OPRM1: variants seen among roughly 807,000 people sequenced by gnomAD.
OPRM1 encodes the protein opioid receptor mu 1, also known as mu-type opioid receptor.
OPRM1 carries 27 observed loss-of-function variants against 31.8 expected under a neutral mutation model. The observed-to-expected ratio is 0.85, with a 90% CI of 0.63 to 1.17. The LOEUF is 1.17. OPRM1 is among the 50% of genes most tolerant of loss of function. The probability of loss-of-function intolerance (pLI) is 0.00; values close to 1 mark genes in which losing one functional copy is unlikely to be tolerated. For synonymous variants in OPRM1, 196 were observed against 189.9 expected (o/e 1.03, Z -0.26); for missense variants, 536 against 511.1 (o/e 1.05, Z -0.47).
At chr6:154,032,108 A>AT (rs1779042547) in intron 1 of OPRM1, among the ~76,000 whole-genome samples, 1 of 152,246 alleles carries the variant, frequency 6.6e-6, no homozygotes, top group Admixed American at 6.5e-5. Context: ...TGTATGAGCC[A>AT]TGAAAGTCTG....
chr6:154,069,019 T>C (rs544888580), intron 1 of OPRM1, among the ~76,000 whole-genome samples: 1 of 152,232 alleles, frequency 6.6e-6, no homozygotes, highest in Non-Finnish European at 1.5e-5. Context: ...GACATGTCCA[T>C]GCAGGTCTTT....
intron 3 of OPRM1, among the ~76,000 whole-genome samples, chr6:154,203,556 A>G (rs1777244511): frequency 6.6e-6 from 1 of 152,192 alleles, no homozygotes; most frequent in African/African-American, 2.4e-5. Flanking sequence ...TCAAGGATAC[A>G]GGGAGCCGAC....
Position 154,091,056 on chromosome 6 carries a change from A to C in OPRM1, c.748A>C (p.Ile250Leu). Residue 250 changes from isoleucine to leucine, a missense_variant, in exon 3 of 4, where the codon ATT becomes CTT. Physicochemically the swap from Ile to Leu is conservative, Grantham distance 5 (BLOSUM62 2). Coordinates refer to ENST00000330432, the MANE Select transcript of OPRM1 (RefSeq NM_000914.5). ...IFAFIMPVLIITVCYGLMILR... is the reference protein window; with the variant it reads ...IFAFIMPVLILTVCYGLMILR... ...CGCCTTCATTATGCCAGTGCTCATC[A>C]TTACCGTGTGCTATGGACTGATGAT... 1 of 1,614,096 alleles carries C rather than the reference A, an allele frequency of 6.2e-7. No homozygotes were observed. The highest frequency in any genetic ancestry group is 8.5e-7 in the Non-Finnish European group (1 of 1,180,024).
intron 3 of OPRM1, chr6:154,158,959 C>T (rs887247040): frequency 1.3e-5 from 2 of 152,036 alleles, no homozygotes; most frequent in African/African-American, 2.4e-5. Context: ...ATGCCAAAGT[C>T]GTCTTGTCAA....
upstream of OPRM1, chr6:154,039,097 T>C (rs1779506720): frequency 6.8e-7 from 1 of 1,481,258 alleles, no homozygotes; most frequent in Admixed American, 2.5e-5. Context: ...TTCTTATTTT[T>C]CACTGCTACC....
intron 3 of OPRM1, among the ~76,000 whole-genome samples, chr6:154,232,676 C>G (rs1304975078): frequency 6.6e-6 from 1 of 152,090 alleles, no homozygotes; most frequent in Admixed American, 6.5e-5. Flanking sequence ...AAAAAAACAA[C>G]CCTGGATTTG....
In OPRM1 at chr6:154,121,369, A is replaced by G. The variant is rs1312938521; in HGVS notation, c.*2648A>G. Among the ~76,000 whole-genome samples, 1 of 152,232 alleles carries G rather than the reference A, an allele frequency of 6.6e-6. No homozygotes were observed. The highest frequency in any genetic ancestry group is 1.5e-5 in the Non-Finnish European group (1 of 68,038). On this transcript the variant is annotated 3_prime_UTR_variant, in exon 4 of 4. Transcript: ENST00000330432. Reference sequence around the variant, plus strand: ...ATCATTAGAAAGGAAAGAAGAGGAAAGAGACTCGCTGGAGCACTGGTGAGT... The same window carrying G: ...ATCATTAGAAAGGAAAGAAGAGGAAGGAGACTCGCTGGAGCACTGGTGAGT...
intron 3 of OPRM1, among the ~76,000 whole-genome samples, chr6:154,224,362 T>C (rs943805984): frequency 1.3e-5 from 2 of 152,198 alleles, no homozygotes; most frequent in Non-Finnish European, 2.9e-5. Context: ...CTCTCTCTTA[T>C]GTGACTCAAC....
intron 3 of OPRM1, among the ~76,000 whole-genome samples, chr6:154,239,860 G>A (rs1275598988): frequency 6.6e-6 from 1 of 152,032 alleles, no homozygotes; most frequent in Admixed American, 6.6e-5. Context: ...TATCCACCAC[G>A]CTTGGCTAAT....
At chr6:154,239,747 A>G (rs1426329612) in intron 3 of OPRM1, among the ~76,000 whole-genome samples, 1 of 152,234 alleles carries the variant, frequency 6.6e-6, no homozygotes, top group Non-Finnish European at 1.5e-5. Flanking sequence ...TCTGTCACCC[A>G]GGCTGGAGTG....
At chr6:154,214,545 T>C (rs1211863598) in intron 3 of OPRM1, among the ~76,000 whole-genome samples, 1 of 152,228 alleles carries the variant, frequency 6.6e-6, no homozygotes, top group African/African-American at 2.4e-5. Context: ...TCCAAATATA[T>C]GAACAAACAC....
Position 154,122,303 on chromosome 6 carries a change from A to G in OPRM1, c.*3582A>G, listed in dbSNP as rs539981787. Among the ~76,000 whole-genome samples the G allele has an allele frequency of 2.6e-5, 4 of 152,320 alleles. No homozygotes were observed. In the East Asian group the frequency reaches 7.7e-4, roughly 29 times the overall value. ...CCCTACTGCCCTTGTAGAAACATCA[A>G]GATTCTTGCCTGGATTCTCAACATA... On this transcript the variant is annotated 3_prime_UTR_variant, in exon 4 of 4. Transcript: ENST00000330432.
At chr6:154,189,293 T>TA (rs1284070727) in intron 3 of OPRM1, among the ~76,000 whole-genome samples, 1 of 152,222 alleles carries the variant, frequency 6.6e-6, no homozygotes, top group Non-Finnish European at 1.5e-5. Flanking sequence ...TGAAGAGATG[T>TA]ATTTTGGTGG....
At chr6:154,161,258 TG>T (rs796890966) in intron 3 of OPRM1, among the ~76,000 whole-genome samples, 1 of 151,446 alleles carries the variant, frequency 6.6e-6, no homozygotes, top group South Asian at 2.1e-4. Flanking sequence ...TTGCCCAGGC[TG>T]GAGTGCAGTG....
At chr6:154,228,477 C>A (rs528226504) in intron 3 of OPRM1, among the ~76,000 whole-genome samples, 31 of 152,306 alleles carry the variant, frequency 2.0e-4, no homozygotes, top group Non-Finnish European at 3.2e-4. Flanking sequence ...AAACACGTTC[C>A]TTTTCACTTT....
At chr6:154,029,204 T>C (rs894133605) in intron 1 of OPRM1, among the ~76,000 whole-genome samples, 4 of 152,202 alleles carry the variant, frequency 2.6e-5, no homozygotes, top group Non-Finnish European at 5.9e-5. Flanking sequence ...TTTAAAATCT[T>C]TGGATATACG....
rs201750403 is a variant in OPRM1 at position 154,091,079 on chromosome 6, G to A, written c.771G>A (p.Met257Ile). The change falls in exon 3 of 4, where the codon ATG (methionine) becomes ATA (isoleucine). Residue 257 changes from methionine to isoleucine, a missense_variant. Physicochemically the swap from Met to Ile is conservative, Grantham distance 10. Transcript: ENST00000330432. ...TCATTACCGTGTGCTATGGACTGAT[G>A]ATCTTGCGCCTCAAGAGTGTCCGCA... is the stretch of plus-strand genomic sequence containing the variant. Reference protein sequence around the residue: ...VLIITVCYGLMILRLKSVRML... With the variant: ...VLIITVCYGLIILRLKSVRML... 1.2e-6 allele frequency: 2 copies of A among 1,614,158 alleles called. No homozygotes were observed. Among genetic ancestry groups the A allele is most frequent in the Admixed American group, 3.3e-5 (2 of 60,016 alleles).
At chr6:154,018,471 GTTCT>G (rs1183310354) in intron 1 of OPRM1, among the ~76,000 whole-genome samples, 1 of 149,322 alleles carries the variant, frequency 6.7e-6, no homozygotes, top group Non-Finnish European at 1.5e-5. Flanking sequence ...TGGGTTCCAA[GTTCT>G]TTCTCATTTT....
At position 154,121,541 on chromosome 6, in the gene OPRM1, G is replaced by A. The variant is rs642489; in HGVS notation, c.*2820G>A. 6.6e-6 allele frequency among the ~76,000 whole-genome samples: 1 copy of A among 152,072 alleles called. No homozygotes were observed. The highest frequency in any genetic ancestry group is 1.5e-5 in the Non-Finnish European group (1 of 67,990). On this transcript the variant is annotated 3_prime_UTR_variant, in exon 4 of 4. Coordinates refer to ENST00000330432, the MANE Select transcript of OPRM1 (RefSeq NM_000914.5). ...GACACGGCTATGAGTAGGTAAGAGA[G>A]CATTCATTCCCTTCAATAATATGAC...
Sources: allele counts gnomAD v4.1 joint callset (sites outside exome capture counted in the v4.1 genomes callset), GRCh38; gene constraint gnomAD v4.1.1; transcripts MANE v1.5; gene names NCBI Gene and HGNC (gene_info 2026-07-23, HGNC 2026-07-21).